The following WDR44 variants were observed in gnomAD, a reference collection of about 807,000 sequenced individuals.
WDR44 encodes WD repeat-containing protein 44.
WDR44 carries 9 observed loss-of-function variants against 65.7 expected under a neutral mutation model. That is an observed-to-expected ratio of 0.14 (90% CI 0.08 to 0.24). The LOEUF (loss-of-function observed/expected upper bound fraction) is 0.24, where lower values mean the gene tolerates loss of function less well. WDR44 is among the 10% of genes least tolerant of loss of function. The pLI is 1.00. For synonymous variants in WDR44, 220 were observed against 235.2 expected (o/e 0.94, Z 0.59); for missense variants, 425 against 670.9 (o/e 0.63, Z 4.05).
rs746387473 is a variant in WDR44, at chrX:118,449,697, T to A, written c.*710T>A. The A allele has an allele frequency of 2.7e-5, 3 of 111,901 alleles. No individual in the cohort carries two copies. The East Asian group carries it at 8.3e-4, about 31-fold the overall frequency. The allele number at this position is 111,901 out of a possible 1,213,427, so 9.2% of individuals were successfully genotyped here. ...AGGCTTTGCTCACTTAAAAAAAAAT[T>A]AAGCCACATTAAGGAGTGAGTCTTC... On this transcript the variant is annotated 3_prime_UTR_variant, in exon 20 of 20. Coordinates refer to ENST00000254029, the MANE Select transcript of WDR44 (RefSeq NM_019045.5).
At chrX:118,438,180 TCA>T (rs778872600) in intron 14 of WDR44, among the ~76,000 whole-genome samples, 16 of 111,181 alleles carry the variant, frequency 1.4e-4, no homozygotes, top group African/African-American at 4.9e-4. Context: ...CCCACCTTTA[TCA>T]CACACAAAAA....
intron 19 of WDR44, among the ~76,000 whole-genome samples, chrX:118,445,945 G>T (rs373882769): frequency 1.3e-4 from 14 of 108,182 alleles, no homozygotes; most frequent in African/African-American, 4.4e-4. Flanking sequence ...CTGGAGAATC[G>T]CTTGAACCAG....
chrX:118,409,409 C>T lies in WDR44; in HGVS notation c.1534-80C>T, dbSNP rs182373174. On this transcript the variant is annotated intron_variant, in intron 10 of 19. Transcript: ENST00000254029. Reference sequence around the variant, plus strand: ...CCTCCCAAAGTGCTGAGATTACAGACGTGAGCCACCATGCCAGGCCAAAAG... The same window carrying T: ...CCTCCCAAAGTGCTGAGATTACAGATGTGAGCCACCATGCCAGGCCAAAAG... The T allele has an allele frequency of 3.8e-4, 413 of 1,072,776 alleles. No homozygotes were observed. In the African/African-American group the frequency reaches 6.7e-3, roughly 17 times the overall value. The allele number at this position is 1,072,776 out of a possible 1,213,427, so 88.4% of individuals were successfully genotyped here.
At chrX:118,381,473 T>TA (rs1336197300) in intron 2 of WDR44, among the ~76,000 whole-genome samples, 6 of 110,158 alleles carry the variant, frequency 5.4e-5, no homozygotes, top group East Asian at 2.8e-4. Flanking sequence ...TGTCTCAAGT[T>TA]AAAAAAAAAT....
intron 1 of WDR44, among the ~76,000 whole-genome samples, chrX:118,360,614 A>G (rs1343980781): frequency 9.0e-6 from 1 of 111,681 alleles, no homozygotes; most frequent in Non-Finnish European, 1.9e-5. Flanking sequence ...TGCTTACTTT[A>G]ATGACTGGCT....
chrX:118,358,518 T>C (rs1332618403), intron 1 of WDR44, among the ~76,000 whole-genome samples: 2 of 111,062 alleles, frequency 1.8e-5, no homozygotes, highest in East Asian at 5.7e-4. Context: ...GCCTGGGCAA[T>C]GTAGCAAGAC....
chrX:118,444,445 A>G lies in WDR44; in HGVS notation c.2598A>G (p.Glu866=). The G allele has an allele frequency of 8.3e-7, 1 of 1,211,349 alleles. No individual in the cohort carries two copies. Among genetic ancestry groups the G allele is most frequent in the Non-Finnish European group, 1.1e-6 (1 of 895,185 alleles). Residue 866 remains glutamate, a synonymous_variant, in exon 19 of 20, where the codon GAA becomes GAG. Coordinates refer to ENST00000254029, the MANE Select transcript of WDR44 (RefSeq NM_019045.5). The stretch of plus-strand genomic sequence containing the variant: ...TGGATGTGCAATCTGAAAAATCAGA[A>G]GGGAACGAGAAAAGTGAAGATGCTG... ...LSLDVQSEKS[E]GNEKSEDAEV... is the part of the protein sequence containing the mutation.
At position 118,395,385 on chromosome X, in the gene WDR44, G is replaced by A. The variant is rs2056857126; in HGVS notation, c.1053+41G>A. On this transcript the variant is annotated intron_variant, in intron 6 of 19. Coordinates refer to ENST00000254029, the MANE Select transcript of WDR44 (RefSeq NM_019045.5). ...TTTGTTCTTGTTCTTAAAACATAAA[G>A]TACAAAAAACATAATGGGAAGATGA... is the stretch of plus-strand genomic sequence containing the variant. 6 of 1,094,933 alleles carry A rather than the reference G, an allele frequency of 5.5e-6. No individual in the cohort carries two copies. In the East Asian group the frequency reaches 1.8e-4, roughly 33 times the overall value. The allele number at this position is 1,094,933 out of a possible 1,213,427, so 90.2% of individuals were successfully genotyped here.
chrX:118,391,110 T>C (rs1372090258), intron 3 of WDR44, among the ~76,000 whole-genome samples: 4 of 112,480 alleles, frequency 3.6e-5, no homozygotes, highest in Non-Finnish European at 5.6e-5. Context: ...TCTGTTATCT[T>C]CTTTTCCAGT....
At chrX:118,382,156 T>A (rs12838601) in intron 2 of WDR44, among the ~76,000 whole-genome samples, 29,559 of 111,503 alleles carry the variant, frequency 0.27, 3,173 homozygotes, top group African/African-American at 0.39. Context: ...TGAATGAGTC[T>A]CTGTGCCAGG....
At chrX:118,371,455 T>G (rs1173883349) in intron 1 of WDR44, among the ~76,000 whole-genome samples, 3 of 111,594 alleles carry the variant, frequency 2.7e-5, no homozygotes, top group African/African-American at 9.8e-5. Context: ...TTGAATGTTC[T>G]CACCACAAAA....
At chrX:118,445,765 C>T (rs2057340317) in intron 19 of WDR44, among the ~76,000 whole-genome samples, 1 of 112,100 alleles carries the variant, frequency 8.9e-6, no homozygotes, top group Non-Finnish European at 1.9e-5. Flanking sequence ...TGCGGTGGCT[C>T]ACGCCTGTAA....
intron 4 of WDR44, 107 bp downstream of exon 4, chrX:118,393,378 A>G (rs962414629): frequency 1.1e-6 from 1 of 876,448 alleles, no homozygotes; most frequent in South Asian, 2.6e-5. Flanking sequence ...AGCTCAGTTC[A>G]AGACCAGCCT....
At chrX:118,373,428 G>A (rs1469881026) in intron 1 of WDR44, among the ~76,000 whole-genome samples, 1 of 111,181 alleles carries the variant, frequency 9.0e-6, no homozygotes, top group Non-Finnish European at 1.9e-5. Context: ...CAAAAATTTG[G>A]CACTCAAAAG....
intron 12 of WDR44, among the ~76,000 whole-genome samples, chrX:118,429,588 C>CA (rs200067120): frequency 0.4 from 27,335 of 68,451 alleles, 4,324 homozygotes; most frequent in East Asian, 0.61. Flanking sequence ...GACTCAGTCT[C>CA]AAAAAAAAAA....
intron 14 of WDR44, among the ~76,000 whole-genome samples, chrX:118,438,801 T>TG (rs2057277296): frequency 1.0e-5 from 1 of 95,915 alleles, no homozygotes; most frequent in Admixed American, 1.2e-4. Flanking sequence ...AGCCATGTTT[T>TG]TTTTTTTTTT....
At chrX:118,442,479 T>C in intron 16 of WDR44, 86 bp from the exon 17 acceptor site, 1 of 948,397 alleles carries the variant, frequency 1.1e-6, no homozygotes, top group Non-Finnish European at 1.5e-6. Context: ...TATATTAGTT[T>C]GTATGTGTGT....
In WDR44 at chrX:118,358,721, A is replaced by G. The variant is rs769301278; in HGVS notation, c.77+12141A>G. Among the ~76,000 whole-genome samples, 6 of 109,783 alleles carry G rather than the reference A, an allele frequency of 5.5e-5. No homozygotes were observed. In the South Asian group the frequency reaches 2.3e-3, roughly 43 times the overall value. ...TCCGTCTAAAACAAACAAAAAAGAA[A>G]AAACCACCACCACACACAGATTAGT... On this transcript the variant is annotated intron_variant, in intron 1 of 19. Transcript: ENST00000254029.
Position 118,422,418 on chromosome X carries a change from C to T in WDR44, c.1738-10363C>T, listed in dbSNP as rs183266490. Among the ~76,000 whole-genome samples the T allele has an allele frequency of 8.6e-3, 946 of 109,599 alleles. 6 individuals are homozygous for T. The highest frequency in any genetic ancestry group is 0.028 in the African/African-American group (841 of 30,098). ...CGAATAAATTTTTTTGAGCCAGGCG[C>T]GGTGGCTCATGCCTGTAATCCTAGC... On this transcript the variant is annotated intron_variant, in intron 12 of 19. Coordinates refer to ENST00000254029, the MANE Select transcript of WDR44 (RefSeq NM_019045.5).
Sources: allele counts gnomAD v4.1 joint callset (sites outside exome capture counted in the v4.1 genomes callset), GRCh38; gene constraint gnomAD v4.1.1; transcripts MANE v1.5; gene names NCBI Gene and HGNC (gene_info 2026-07-23, HGNC 2026-07-21).